LIMD1: variants seen among roughly 807,000 people sequenced by gnomAD.
The protein encoded by LIMD1 is LIM domain containing 1, also known as LIM domain-containing protein 1.
A neutral mutation model predicts 58.4 loss-of-function variants in LIMD1; 23 were observed. The observed-to-expected ratio is 0.39, with a 90% CI of 0.28 to 0.56. The LOEUF (loss-of-function observed/expected upper bound fraction) is 0.56, where lower values mean the gene tolerates loss of function less well. Ranked by LOEUF, LIMD1 falls within the 20% of genes least tolerant of loss-of-function variation. The pLI is 0.57. For synonymous variants in LIMD1, 334 were observed against 345.5 expected, an observed-to-expected ratio of 0.97 and a Z score of 0.37; for missense variants, 838 against 855.5, an observed-to-expected ratio of 0.98 and a Z score of 0.25.
chr3:45,621,045 C>T (rs1701624561), intron 1 of LIMD1, among the ~76,000 whole-genome samples: 1 of 152,112 alleles, frequency 6.6e-6, no homozygotes, highest in Non-Finnish European at 1.5e-5. Context: ...TAGGCAAACC[C>T]CAGTTCGGGA....
At chr3:45,599,083 A>G (rs1701385204) in intron 1 of LIMD1, among the ~76,000 whole-genome samples, 1 of 152,146 alleles carries the variant, frequency 6.6e-6, no homozygotes, top group African/African-American at 2.4e-5. Context: ...GTGTCTAACC[A>G]GCATTGCCAA....
intron 2 of LIMD1, among the ~76,000 whole-genome samples, chr3:45,654,965 G>T (rs927977495): frequency 2.0e-5 from 3 of 149,382 alleles, no homozygotes; most frequent in Admixed American, 1.3e-4. Flanking sequence ...TGTCACCCAG[G>T]CTGGAGTACA....
rs140633242 is a variant in LIMD1, at chr3:45,595,182, T to C, written c.303T>C (p.Gly101=). ...TGGGCAGCAAGCTGACTGTGGATGGTGCTGCCAAGCCTCCTCTTGCTGCCT... is the reference window on the plus strand; with the variant it reads ...TGGGCAGCAAGCTGACTGTGGATGGCGCTGCCAAGCCTCCTCTTGCTGCCT... ...EVVGSKLTVD[G]AAKPPLAAST... is the part of the protein sequence containing the mutation. The change falls in exon 1 of 8, where the codon GGT becomes GGC. Residue 101 remains glycine, a synonymous_variant. Transcript: ENST00000273317. 12 of 1,603,192 alleles carry C rather than the reference T, an allele frequency of 7.5e-6. No individual in the cohort carries two copies. In the African/African-American group the frequency reaches 9.4e-5, roughly 13 times the overall value.
intron 1 of LIMD1, among the ~76,000 whole-genome samples, chr3:45,631,327 C>T (rs758930279): frequency 2.3e-4 from 35 of 152,150 alleles, no homozygotes; most frequent in African/African-American, 5.8e-4. Context: ...AAGAAATCTC[C>T]AAGTCCAGGG....
chr3:45,607,217 C>G (rs1701476313), intron 1 of LIMD1, among the ~76,000 whole-genome samples: 1 of 152,178 alleles, frequency 6.6e-6, no homozygotes, highest in South Asian at 2.1e-4. Flanking sequence ...TAGCACTTGC[C>G]AGCGAATATT....
chr3:45,617,151 G>T (rs1471240522), intron 1 of LIMD1, among the ~76,000 whole-genome samples: 1 of 150,628 alleles, frequency 6.6e-6, no homozygotes, highest in African/African-American at 2.4e-5. Flanking sequence ...CTCCTGCCTC[G>T]GCCTCCCTAG....
At chr3:45,597,657 C>T (rs761946410) in intron 1 of LIMD1, among the ~76,000 whole-genome samples, 37 of 152,148 alleles carry the variant, frequency 2.4e-4, no homozygotes, top group Non-Finnish European at 4.7e-4. Context: ...TAATTGACCC[C>T]CGTGTTCCCC....
chr3:45,656,852 A>G (rs1455457064), intron 2 of LIMD1, among the ~76,000 whole-genome samples: 1 of 152,174 alleles, frequency 6.6e-6, no homozygotes, highest in Admixed American at 6.6e-5. Flanking sequence ...GTCAGGGCAC[A>G]TTATTGCAAG....
At chr3:45,626,834 G>A (rs1219137792) in intron 1 of LIMD1, among the ~76,000 whole-genome samples, 1 of 151,816 alleles carries the variant, frequency 6.6e-6, no homozygotes, top group Non-Finnish European at 1.5e-5. Flanking sequence ...TGTGAGGAAG[G>A]GGATATATGG....
chr3:45,616,816 G>A (rs1188156412), intron 1 of LIMD1, among the ~76,000 whole-genome samples: 6 of 149,096 alleles, frequency 4.0e-5, no homozygotes, highest in African/African-American at 7.5e-5. Context: ...GTGTGGTGGC[G>A]CAATCTTGGC....
intron 2 of LIMD1, among the ~76,000 whole-genome samples, chr3:45,665,325 C>T (rs1379624636): frequency 6.6e-6 from 1 of 151,860 alleles, no homozygotes; most frequent in Non-Finnish European, 1.5e-5. Flanking sequence ...CTTGTGTTGC[C>T]TCTGCTGTCC....
chr3:45,646,500 T>C (rs1445611599), intron 2 of LIMD1, among the ~76,000 whole-genome samples: 1 of 152,228 alleles, frequency 6.6e-6, no homozygotes, highest in African/African-American at 2.4e-5. Context: ...CCTGTAGACC[T>C]GCACCATCTA....
intron 2 of LIMD1, among the ~76,000 whole-genome samples, chr3:45,639,303 G>A (rs900904168): frequency 6.6e-6 from 1 of 152,188 alleles, no homozygotes; most frequent in Non-Finnish European, 1.5e-5. Context: ...AAATATTAAG[G>A]AGAGGCTGTT....
chr3:45,672,918 GC>G (rs1469396907), intron 5 of LIMD1, 98 bp downstream of exon 5: 2 of 1,435,310 alleles, frequency 1.4e-6, no homozygotes, highest in Non-Finnish European at 1.9e-6. Flanking sequence ...TTTGCCAGCC[GC>G]CCTTAGATCA....
intron 2 of LIMD1, among the ~76,000 whole-genome samples, chr3:45,642,398 A>G (rs1327004744): frequency 6.6e-6 from 1 of 152,084 alleles, no homozygotes; most frequent in Non-Finnish European, 1.5e-5. Flanking sequence ...GCTGGTCTCA[A>G]ACTCCTGGGC....
chr3:45,641,139 G>T (rs1701838065), intron 2 of LIMD1, among the ~76,000 whole-genome samples: 1 of 152,150 alleles, frequency 6.6e-6, no homozygotes, highest in African/African-American at 2.4e-5. Context: ...TGGGGGTCTG[G>T]GTGCATCTAG....
chr3:45,661,896 T>G (rs1005841181), intron 2 of LIMD1, among the ~76,000 whole-genome samples: 1 of 152,168 alleles, frequency 6.6e-6, no homozygotes, highest in Non-Finnish European at 1.5e-5. Context: ...TAGCTGGGAC[T>G]ACAGGCGTGC....
In LIMD1 at chr3:45,627,881, G is replaced by T. The variant is rs1054149791; in HGVS notation, c.1409-8269G>T. ...AAATTAGCGAGGCATGGTGTTGCAC[G>T]CCTGTAGTCCCAGCTACTCAGGAGG... On this transcript the variant is annotated intron_variant, in intron 1 of 7. Coordinates refer to ENST00000273317, the MANE Select transcript of LIMD1 (RefSeq NM_014240.3). Among the ~76,000 whole-genome samples, 3 of 151,832 alleles carry T rather than the reference G, an allele frequency of 2.0e-5. No individual in the cohort carries two copies. In the South Asian group the frequency reaches 6.2e-4, roughly 32 times the overall value.
At chr3:45,622,574 A>G (rs1370822148) in intron 1 of LIMD1, among the ~76,000 whole-genome samples, 1 of 152,168 alleles carries the variant, frequency 6.6e-6, no homozygotes, top group African/African-American at 2.4e-5. Flanking sequence ...ATCTTGCTGT[A>G]CTATACTCAC....
Sources: gnomAD v4.1 joint callset for allele counts (sites outside exome capture counted in the v4.1 genomes callset) on GRCh38, gnomAD v4.1.1 for gene constraint, MANE v1.5 for transcripts, NCBI Gene and HGNC (gene_info 2026-07-23, HGNC 2026-07-21) for gene names.